The following NAA60 variants were observed in gnomAD, a reference collection of about 807,000 sequenced individuals.
NAA60 encodes the protein N-alpha-acetyltransferase 60, NatF catalytic subunit, also known as N-alpha-acetyltransferase 60.
Under a neutral mutation model 26.1 loss-of-function variants are expected in NAA60, and 8 were observed. The ratio of observed to expected loss-of-function variants is 0.31; its 90% CI spans 0.18 to 0.55. The LOEUF is 0.55. NAA60 is among the 20% of genes least tolerant of loss of function. The pLI is 0.93. For synonymous variants in NAA60, 131 were observed against 122.5 expected (o/e 1.07, Z -0.46); for missense variants, 290 against 311.3 (o/e 0.93, Z 0.51).
At chr16:3,476,661 C>T (rs933722364) in intron 3 of NAA60, among the ~76,000 whole-genome samples, 2 of 151,930 alleles carry the variant, frequency 1.3e-5, no homozygotes, top group Non-Finnish European at 2.9e-5. Context: ...TGGTTACATG[C>T]ATTAGAGTAA....
At chr16:3,452,577 GC>G (rs2034827273) in intron 2 of NAA60, among the ~76,000 whole-genome samples, 1 of 151,716 alleles carries the variant, frequency 6.6e-6, no homozygotes, top group Non-Finnish European at 1.5e-5. Flanking sequence ...AATCACTTGA[GC>G]CCAGGAGGCA....
At chr16:3,458,025 C>T (rs2035092239) in intron 2 of NAA60, 2 of 985,336 alleles carry the variant, frequency 2.0e-6, no homozygotes, top group Non-Finnish European at 1.2e-6. Context: ...GAGCGGGAGG[C>T]GGAAGTGCCG....
Position 3,452,997 on chromosome 16 carries a change from C to T in NAA60, c.-7+4457C>T, listed in dbSNP as rs1024979582. 2.6e-5 allele frequency among the ~76,000 whole-genome samples: 4 copies of T among 152,068 alleles called. No individual in the cohort carries two copies. In the East Asian group the frequency reaches 5.8e-4, roughly 22 times the overall value. On this transcript the variant is annotated intron_variant, in intron 2 of 7. Transcript: ENST00000407558. ...CTAATCCCCTATGTTGGTGAGGCTG[C>T]GGGCCGTTTGCCCTGCTATAGTGGG...
intron 1 of NAA60, 102 bp from the exon 2 acceptor site, chr16:3,448,369 T>TA: frequency 1.2e-6 from 1 of 854,898 alleles, no homozygotes; most frequent in South Asian, 1.7e-5. Context: ...ATCAGATTGA[T>TA]ACTCTGAGAT....
At chr16:3,464,810 G>A (rs1596315119) in intron 2 of NAA60, among the ~76,000 whole-genome samples, 1 of 152,142 alleles carries the variant, frequency 6.6e-6, no homozygotes, top group Non-Finnish European at 1.5e-5. Context: ...CCTATCAGGC[G>A]GTTGCCTGCA....
intron 2 of NAA60, among the ~76,000 whole-genome samples, chr16:3,456,418 AG>A (rs2034997851): frequency 6.6e-6 from 1 of 151,926 alleles, no homozygotes; most frequent in Non-Finnish European, 1.5e-5. Flanking sequence ...GAAAGGGGAG[AG>A]GAAGTACAGA....
At chr16:3,449,633 T>C (rs1344585516) in intron 2 of NAA60, among the ~76,000 whole-genome samples, 1 of 152,092 alleles carries the variant, frequency 6.6e-6, no homozygotes, top group East Asian at 1.9e-4. Flanking sequence ...TGCAGTGAGC[T>C]GAGATCGCAC....
chr16:3,448,493 A>G lies in NAA60; in HGVS notation c.-54A>G. ...CAGCATACAGAAAGGCTGTACCTGG[A>G]GGAAGGAAGTGCGGAGCCAGCCTGA... On this transcript the variant is annotated 5_prime_UTR_variant, in exon 2 of 8. Transcript: ENST00000407558. The G allele has an allele frequency of 6.5e-7, 1 of 1,535,570 alleles. No homozygotes were observed. Among genetic ancestry groups the G allele is most frequent in the East Asian group, 2.4e-5 (1 of 40,902 alleles).
intron 2 of NAA60, chr16:3,467,693 A>G (rs1596321911): frequency 6.6e-6 from 1 of 152,234 alleles, no homozygotes; most frequent in East Asian, 1.9e-4. Flanking sequence ...AGTTTTCAGC[A>G]CCTGACAGTG....
intron 2 of NAA60, among the ~76,000 whole-genome samples, chr16:3,452,401 T>A (rs1255185255): frequency 6.6e-6 from 1 of 152,108 alleles, no homozygotes; most frequent in East Asian, 1.9e-4. Context: ...ATGCCTGTAA[T>A]CCTAGCACTT....
chr16:3,466,413 C>T (rs1008691137), intron 2 of NAA60, among the ~76,000 whole-genome samples: 6 of 152,262 alleles, frequency 3.9e-5, no homozygotes, highest in Non-Finnish European at 8.8e-5. Context: ...ATGGCTTGCT[C>T]TCACGTGGGC....
At chr16:3,446,169 C>T (rs2034542428) in intron 1 of NAA60, among the ~76,000 whole-genome samples, 1 of 152,168 alleles carries the variant, frequency 6.6e-6, no homozygotes, top group Non-Finnish European at 1.5e-5. Context: ...CATCTGCTTT[C>T]TCTGAAAATT....
intron 2 of NAA60, among the ~76,000 whole-genome samples, chr16:3,473,707 T>TTTGTTGTTGTTGTTG (rs199845048): frequency 2.7e-5 from 4 of 145,816 alleles, no homozygotes; most frequent in Admixed American, 6.8e-5. Flanking sequence ...GCCCCAGCTT[T>TTTGTTGTTGTTGTTG]TTGTTGTTGT....
chr16:3,475,007 C>T (rs1249763892), intron 2 of NAA60, among the ~76,000 whole-genome samples: 2 of 151,722 alleles, frequency 1.3e-5, no homozygotes, highest in Non-Finnish European at 1.5e-5. Context: ...TCTCAAACTC[C>T]TGGGTTCAGG....
chr16:3,467,801 C>T (rs1157429518), intron 2 of NAA60: 7 of 152,206 alleles, frequency 4.6e-5, no homozygotes, highest in Admixed American at 4.6e-4. Flanking sequence ...GCACATGGGG[C>T]TCCTGGACAG....
rs2036698342 is a variant in NAA60 at position 3,479,618 on chromosome 16, G to A, written c.240+18G>A. The stretch of plus-strand genomic sequence containing the variant: ...ATAAAGAGGTACGTACGTGTGTGCA[G>A]TGAGGACTTGGCAGTCACTGTCATT... On this transcript the variant is annotated intron_variant, in intron 4 of 7. Transcript: ENST00000407558. 1.2e-6 allele frequency: 2 copies of A among 1,613,134 alleles called. No homozygotes were observed. Among genetic ancestry groups the A allele is most frequent in the Non-Finnish European group, 1.7e-6 (2 of 1,179,388 alleles).
At position 3,482,585 on chromosome 16, in the gene NAA60, G is replaced by A. The variant is rs373967893; in HGVS notation, c.324G>A (p.Arg108=). The change falls in exon 5 of 8, where the codon AGG becomes AGA. Residue 108 remains arginine, a synonymous_variant. Coordinates refer to ENST00000407558, the MANE Select transcript of NAA60 (RefSeq NM_001083601.3). ...GTCTGGGCGTCGTGAAAGAGTTCAG[G>A]AAGCACGGCATAGGTAAGGGCAGCC... is the stretch of plus-strand genomic sequence containing the variant. ...ILSLGVVKEF[R]KHGIGSLLLE... is the part of the protein sequence containing the mutation. 1.0e-5 allele frequency: 16 copies of A among 1,605,612 alleles called. No homozygotes were observed. The highest frequency in any genetic ancestry group is 5.3e-5 in the African/African-American group (4 of 74,770).
chr16:3,475,094 T>TTTTA (rs1473898872), intron 2 of NAA60, among the ~76,000 whole-genome samples: 1 of 59,082 alleles, frequency 1.7e-5, no homozygotes, highest in Non-Finnish European at 3.4e-5. Flanking sequence ...CATCCTTTCC[T>TTTTA]TTTTTTTTTT....
At chr16:3,473,749 T>TTGTTGTTGTTG (rs1203211480) in intron 2 of NAA60, among the ~76,000 whole-genome samples, 36 of 135,984 alleles carry the variant, frequency 2.6e-4, no homozygotes, top group African/African-American at 1.2e-3. Flanking sequence ...TGTTGTTGTT[T>TTGTTGTTGTTG]TTTGAGATGG....
Sources: gnomAD v4.1 joint callset for allele counts (sites outside exome capture counted in the v4.1 genomes callset) on GRCh38, gnomAD v4.1.1 for gene constraint, MANE v1.5 for transcripts, NCBI Gene and HGNC (gene_info 2026-07-23, HGNC 2026-07-21) for gene names.